TNIK: variants seen among roughly 807,000 people sequenced by gnomAD.
TNIK encodes TRAF2 and NCK interacting kinase.
TNIK carries 49 observed loss-of-function variants against 191.3 expected under a neutral mutation model. The observed-to-expected ratio is 0.26, with a 90% confidence interval of 0.20 to 0.32. The LOEUF (loss-of-function observed/expected upper bound fraction) is 0.32. Among genes scored for constraint, TNIK ranks in the 10% least tolerant of loss-of-function variants. The pLI, the probability that TNIK is intolerant of heterozygous loss-of-function variation, is 1.00. For synonymous variants in TNIK, 594 were observed against 600.9 expected, an observed-to-expected ratio of 0.99 and a Z score of 0.17; for missense variants, 1,155 against 1,702.3, an observed-to-expected ratio of 0.68 and a Z score of 5.66.
chr3:171,396,003 G>A (rs13068826), intron 1 of TNIK, among the ~76,000 whole-genome samples: 89,582 of 151,968 alleles, frequency 0.59, 27,543 homozygotes, highest in African/African-American at 0.71. Context: ...GGTTTTTAGT[G>A]TATTCTCAGA....
chr3:171,132,059 T>C (rs1026053918), intron 15 of TNIK, among the ~76,000 whole-genome samples: 1 of 152,190 alleles, frequency 6.6e-6, no homozygotes, highest in Non-Finnish European at 1.5e-5. Context: ...TGCCTGAGGA[T>C]GTTCAAAAAA....
At chr3:171,086,651 T>G (rs1192916701) in intron 24 of TNIK, among the ~76,000 whole-genome samples, 2 of 152,250 alleles carry the variant, frequency 1.3e-5, no homozygotes, top group African/African-American at 4.8e-5. Context: ...ATAGTACATG[T>G]GCTTTATAAA....
chr3:171,301,302 C>A (rs964558921), intron 2 of TNIK, among the ~76,000 whole-genome samples: 69 of 148,544 alleles, frequency 4.6e-4, no homozygotes, highest in African/African-American at 3.0e-4. Context: ...CTGTATCAAA[C>A]AACTAGCTGG....
At chr3:171,176,713 C>A (rs1161027059) in intron 8 of TNIK, among the ~76,000 whole-genome samples, 4 of 152,220 alleles carry the variant, frequency 2.6e-5, no homozygotes, top group Admixed American at 2.6e-4. Flanking sequence ...GTGCGGCCTG[C>A]TGCCATTGCA....
chr3:171,323,456 C>T (rs912108732), intron 2 of TNIK, among the ~76,000 whole-genome samples: 1 of 152,160 alleles, frequency 6.6e-6, no homozygotes, highest in Admixed American at 6.5e-5. Context: ...GCATGGATTA[C>T]GTTGCCCTAG....
intron 1 of TNIK, among the ~76,000 whole-genome samples, chr3:171,441,223 T>C (rs571623040): frequency 3.9e-5 from 6 of 152,234 alleles, no homozygotes; most frequent in African/African-American, 1.2e-4. Context: ...GGTACTTACA[T>C]ACCATAAAAT....
intron 8 of TNIK, among the ~76,000 whole-genome samples, chr3:171,176,687 G>A (rs1238685072): frequency 1.3e-5 from 2 of 152,260 alleles, no homozygotes; most frequent in African/African-American, 4.8e-5. Flanking sequence ...CACTGGCGGG[G>A]AGTGGCCCTT....
At chr3:171,425,439 G>A (rs1019028854) in intron 1 of TNIK, among the ~76,000 whole-genome samples, 9 of 152,076 alleles carry the variant, frequency 5.9e-5, no homozygotes, top group Admixed American at 2.0e-4. Flanking sequence ...GAGTATTTAC[G>A]TTTAACTCTG....
At chr3:171,107,155 A>C in intron 21 of TNIK, 28 bp downstream of exon 21, 1 of 1,602,622 alleles carries the variant, frequency 6.2e-7, no homozygotes, top group Non-Finnish European at 8.5e-7. Context: ...ATTTTGTGAA[A>C]GCATGACCAA....
intron 2 of TNIK, among the ~76,000 whole-genome samples, chr3:171,292,654 T>C (rs182096961): frequency 2.0e-3 from 298 of 151,666 alleles, no homozygotes; most frequent in African/African-American, 6.7e-3. Flanking sequence ...CGGGAGCCTG[T>C]AGTCCCAGCT....
intron 1 of TNIK, among the ~76,000 whole-genome samples, chr3:171,422,193 T>A (rs1723897355): frequency 6.6e-6 from 1 of 152,156 alleles, no homozygotes; most frequent in Non-Finnish European, 1.5e-5. Context: ...ACTAAACCAT[T>A]GGATAGATCC....
rs192565275 is a variant in TNIK, at chr3:171,141,811, G to A, written c.1222-1302C>T. Among the ~76,000 whole-genome samples, 49 of 152,226 alleles carry A rather than the reference G, an allele frequency of 3.2e-4. No individual in the cohort carries two copies. In the East Asian group the frequency reaches 8.7e-3, roughly 27 times the overall value. ...TTTCCTCATATATGAAGTTCAGAGG[G>A]GACATACCAGGGGGACCATTTCCTT... On this transcript the variant is annotated intron_variant, in intron 12 of 32. Coordinates refer to ENST00000436636, the MANE Select transcript of TNIK (RefSeq NM_015028.4).
chr3:171,255,257 T>C (rs1451148570), intron 2 of TNIK, among the ~76,000 whole-genome samples: 1 of 152,216 alleles, frequency 6.6e-6, no homozygotes, highest in African/African-American at 2.4e-5. Context: ...TACTTTAGGT[T>C]ATGGAAAATC....
rs60887361 is a variant in TNIK at position 171,365,161 on chromosome 3, CTTTTTTTTTTTTTTTTTTTT to C, written c.123+4439_123+4458del. Among the ~76,000 whole-genome samples the C allele has an allele frequency of 6.9e-4, 22 of 31,934 alleles. 1 individual carries two copies. The highest frequency in any genetic ancestry group is 3.5e-3 in the South Asian group (2 of 578). 20.9% of individuals were successfully genotyped at this position (31,934 alleles called of 152,430 possible). A position where few individuals can be genotyped will look rare whatever the true frequency, so the allele number is the denominator to read the frequency against. The stretch of plus-strand genomic sequence containing the variant: ...AAGGACTACACAAAAGGACTACATT[CTTTTTTTTTTTTTTTTTTTT>C]TTTTTTTTTTTTTTTTTTGAGACAG... On this transcript the variant is annotated intron_variant, in intron 2 of 32. Coordinates refer to ENST00000436636, the MANE Select transcript of TNIK (RefSeq NM_015028.4).
At chr3:171,254,389 C>G (rs1490440624) in intron 2 of TNIK, among the ~76,000 whole-genome samples, 1 of 152,178 alleles carries the variant, frequency 6.6e-6, no homozygotes, top group Non-Finnish European at 1.5e-5. Flanking sequence ...TAGGCTTTAC[C>G]TAGAGCAGTG....
At chr3:171,247,018 C>T (rs1405498213) in intron 2 of TNIK, among the ~76,000 whole-genome samples, 1 of 152,232 alleles carries the variant, frequency 6.6e-6, no homozygotes, top group Non-Finnish European at 1.5e-5. Context: ...GGGCTTAAGT[C>T]TGTGTATGGC....
At chr3:171,436,129 C>T (rs1463948231) in intron 1 of TNIK, among the ~76,000 whole-genome samples, 1 of 152,134 alleles carries the variant, frequency 6.6e-6, no homozygotes, top group Non-Finnish European at 1.5e-5. Flanking sequence ...CCTGACCTTC[C>T]CTCCATCTGG....
intron 1 of TNIK, among the ~76,000 whole-genome samples, chr3:171,392,881 C>T (rs1719749156): frequency 6.6e-6 from 1 of 151,208 alleles, no homozygotes; most frequent in Non-Finnish European, 1.5e-5. Context: ...AAATTTTCAA[C>T]TATTTTCTGG....
At chr3:171,296,210 T>C (rs1272906063) in intron 2 of TNIK, among the ~76,000 whole-genome samples, 2 of 152,126 alleles carry the variant, frequency 1.3e-5, no homozygotes, top group Admixed American at 6.5e-5. Context: ...TTTAAATTCC[T>C]GAACTGTTGG....
Sources: allele counts gnomAD v4.1 joint callset (sites outside exome capture counted in the v4.1 genomes callset), GRCh38; gene constraint gnomAD v4.1.1; transcripts MANE v1.5; gene names NCBI Gene and HGNC (gene_info 2026-07-23, HGNC 2026-07-21).